LRRC27: variants seen among roughly 807,000 people sequenced by gnomAD.
LRRC27 encodes leucine rich repeat containing 27.
Under a neutral mutation model 55.0 loss-of-function variants are expected in LRRC27, and 57 were observed. The ratio of observed to expected loss-of-function variants is 1.04; its 90% CI spans 0.84 to 1.29. The LOEUF is 1.29. Ranked by LOEUF, LRRC27 falls within the 50% of genes most tolerant of loss-of-function variation. LRRC27 has a pLI of 0.00. For synonymous variants in LRRC27, 278 were observed against 251.9 expected, an observed-to-expected ratio of 1.10 and a Z score of -0.98; for missense variants, 721 against 651.5, an observed-to-expected ratio of 1.11 and a Z score of -1.16.
upstream of LRRC27, chr10:132,331,627 C>T (rs757898090): frequency 6.2e-7 from 1 of 1,612,896 alleles, no homozygotes; most frequent in Non-Finnish European, 8.5e-7. Context: ...GGACAGGCAG[C>T]GAGGACCGCT....
intron 3 of LRRC27, among the ~76,000 whole-genome samples, chr10:132,338,315 C>G (rs1271094997): frequency 6.6e-6 from 1 of 151,682 alleles, no homozygotes; most frequent in Non-Finnish European, 1.5e-5. Flanking sequence ...GAGTCCGTCT[C>G]AAAAAAAATA....
At position 132,379,570 on chromosome 10, in the gene LRRC27, T is replaced by A. The variant is rs532803775; in HGVS notation, c.*4328T>A. 6.6e-6 allele frequency: 1 copy of A among 152,374 alleles called. No individual in the cohort carries two copies. Among genetic ancestry groups the A allele is most frequent in the African/African-American group, 2.4e-5 (1 of 41,590 alleles). The allele number at this position is 152,374 out of a possible 1,614,324, so 9.4% of individuals were successfully genotyped here. A position where few individuals can be genotyped will look rare whatever the true frequency, so the allele number is the denominator to read the frequency against. ...AGATCCTTTTACATCATCATTATAATGATTTTTTTTTAATAAGTGTTTTCT... is the reference window on the plus strand; with the variant it reads ...AGATCCTTTTACATCATCATTATAAAGATTTTTTTTTAATAAGTGTTTTCT... On this transcript the variant is annotated 3_prime_UTR_variant, in exon 11 of 11. Transcript: ENST00000368614.
intron 9 of LRRC27, among the ~76,000 whole-genome samples, chr10:132,364,481 CCACA>C (rs1491390249): frequency 0.015 from 125 of 8,476 alleles, 2 homozygotes; most frequent in Middle Eastern, 0.1. Flanking sequence ...TTACACCCAC[CCACA>C]CTTACACCCA....
Position 132,375,829 on chromosome 10 carries a change from C to T in LRRC27, c.*587C>T, listed in dbSNP as rs1340642668. On this transcript the variant is annotated 3_prime_UTR_variant, in exon 11 of 11. Transcript: ENST00000368614. ...GCCTTGACCCCTTCCTGGTTGCTAC[C>T]ACTCAGGCTGCCACTCAGTGGACTC... is the stretch of plus-strand genomic sequence containing the variant. 1 of 152,492 alleles carries T rather than the reference C, an allele frequency of 6.6e-6. No individual in the cohort carries two copies. Among genetic ancestry groups the T allele is most frequent in the African/African-American group, 2.4e-5 (1 of 41,472 alleles). The allele number at this position is 152,492 out of a possible 1,614,324, so 9.4% of individuals were successfully genotyped here.
chr10:132,357,963 A>G (rs2068382141), intron 8 of LRRC27, among the ~76,000 whole-genome samples: 1 of 152,184 alleles, frequency 6.6e-6, no homozygotes, highest in Non-Finnish European at 1.5e-5. Flanking sequence ...GAGGCAGCTG[A>G]ACGCATGGAG....
chr10:132,352,753 G>T (rs1339350232), intron 7 of LRRC27: 3 of 976,852 alleles, frequency 3.1e-6, no homozygotes, highest in Non-Finnish European at 3.1e-6. Flanking sequence ...TTGCAGCCCC[G>T]AGGCCTCCCT....
At chr10:132,337,838 G>A in intron 3 of LRRC27, 143 bp downstream of exon 3, 1 of 944,152 alleles carries the variant, frequency 1.1e-6, no homozygotes, top group South Asian at 1.7e-5. Flanking sequence ...CCAGCTAAGA[G>A]GTTGCGACGG....
At chr10:132,335,853 C>A (rs796986044) in intron 2 of LRRC27, among the ~76,000 whole-genome samples, 4 of 152,158 alleles carry the variant, frequency 2.6e-5, no homozygotes, top group Non-Finnish European at 5.9e-5. Flanking sequence ...CTGATAAGAA[C>A]GGACAAAACG....
chr10:132,364,746 ACG>A (rs2068945313), intron 9 of LRRC27, among the ~76,000 whole-genome samples: 3 of 4,986 alleles, frequency 6.0e-4, no homozygotes, highest in African/African-American at 8.7e-4. Flanking sequence ...ATCTACCTCC[ACG>A]CCCACACTTA....
At chr10:132,364,813 C>G (rs2068964019) in intron 9 of LRRC27, among the ~76,000 whole-genome samples, 1 of 121,902 alleles carries the variant, frequency 8.2e-6, no homozygotes, top group Non-Finnish European at 1.8e-5. Flanking sequence ...CACACTTACA[C>G]CCACCCTTAC....
chr10:132,365,227 G>A lies in LRRC27; in HGVS notation c.1290-197G>A, dbSNP rs563430481. The stretch of plus-strand genomic sequence containing the variant: ...ATGGGAGAGGCAGCCCAGGCCCCCC[G>A]GCGTGAGTCTGGAGGAGAGTGGGTG... On this transcript the variant is annotated intron_variant, in intron 9 of 10. Coordinates refer to ENST00000368614, the MANE Select transcript of LRRC27 (RefSeq NM_030626.3). 1.7e-4 allele frequency among the ~76,000 whole-genome samples: 26 copies of A among 152,324 alleles called. No individual in the cohort carries two copies. The South Asian group carries it at 2.5e-3, about 15-fold the overall frequency.
At position 132,337,715 on chromosome 10, in the gene LRRC27, A is replaced by C. The variant is rs1210724201; in HGVS notation, c.341+20A>C. The C allele has an allele frequency of 6.2e-7, 1 of 1,611,022 alleles. No homozygotes were observed. ...TCACCAGTAAGTTGTTTATGTTTCC[A>C]GATTTTAAAAATCATCTTTTCAGTG... On this transcript the variant is annotated intron_variant, in intron 3 of 10. Coordinates refer to ENST00000368614, the MANE Select transcript of LRRC27 (RefSeq NM_030626.3).
chr10:132,333,887 C>T (rs1040387175), intron 2 of LRRC27, among the ~76,000 whole-genome samples, 153 bp downstream of exon 2: 19 of 152,136 alleles, frequency 1.2e-4, no homozygotes, highest in African/African-American at 4.3e-4. Flanking sequence ...TAGTTTCATA[C>T]GCCAATCACA....
chr10:132,355,907 G>A, intron 8 of LRRC27, 21 bp downstream of exon 8: 4 of 1,527,302 alleles, frequency 2.6e-6, no homozygotes, highest in Non-Finnish European at 3.5e-6. Context: ...CGCGGGCGGT[G>A]ACCGGGCACT....
chr10:132,365,744 G>A (rs2069049246), intron 10 of LRRC27, among the ~76,000 whole-genome samples, 194 bp downstream of exon 10: 1 of 152,132 alleles, frequency 6.6e-6, no homozygotes, highest in African/African-American at 2.4e-5. Flanking sequence ...TGGGACAAGT[G>A]TACACCACCA....
At chr10:132,354,060 G>A (rs928456984) in intron 7 of LRRC27, among the ~76,000 whole-genome samples, 2 of 152,200 alleles carry the variant, frequency 1.3e-5, no homozygotes, top group Admixed American at 6.5e-5. Context: ...CTTGGCCATG[G>A]CTGTGATGGA....
chr10:132,379,416 C>T lies in LRRC27; in HGVS notation c.*4174C>T, dbSNP rs1351287480. ...TCCAGCATTTCCTCTCACCTCCGAG[C>T]TCTCGGGGAGTGCGTGGTCTCAGAT... On this transcript the variant is annotated 3_prime_UTR_variant, in exon 11 of 11. Coordinates refer to ENST00000368614, the MANE Select transcript of LRRC27 (RefSeq NM_030626.3). 5.1e-4 allele frequency: 51 copies of T among 99,112 alleles called. No homozygotes were observed. Among genetic ancestry groups the T allele is most frequent in the Middle Eastern group, 7.7e-3 (1 of 130 alleles). 6.1% of individuals were successfully genotyped at this position (99,112 alleles called of 1,614,324 possible). A position where few individuals can be genotyped will look rare whatever the true frequency, so the allele number is the denominator to read the frequency against.
chr10:132,344,401 A>G (rs997586416), intron 4 of LRRC27, 97 bp from the exon 5 acceptor site: 7 of 1,278,972 alleles, frequency 5.5e-6, no homozygotes, highest in East Asian at 2.4e-5. Context: ...GAATAGAATC[A>G]TATTTTAAAA....
rs2069303094 is a variant in LRRC27 at position 132,374,651 on chromosome 10, G to A, written c.1417-415G>A. On this transcript the variant is annotated intron_variant, in intron 10 of 10. Coordinates refer to ENST00000368614, the MANE Select transcript of LRRC27 (RefSeq NM_030626.3). The surrounding 1 kb of genome is among the most constrained non-coding windows in gnomAD (Gnocchi z 4.4). ...CTTCCCAGGACAGTTACGGCTCTAA[G>A]GTGTGGTCTTGGCTGTGGTGATGCT... 6.6e-6 allele frequency among the ~76,000 whole-genome samples: 1 copy of A among 152,212 alleles called. No individual in the cohort carries two copies. The highest frequency in any genetic ancestry group is 6.5e-5 in the Admixed American group (1 of 15,288).
Sources: gnomAD v4.1 joint callset for allele counts (sites outside exome capture counted in the v4.1 genomes callset) on GRCh38, gnomAD v4.1.1 for gene constraint, Gnocchi (gnomAD v3.1) non-coding constraint, MANE v1.5 for transcripts, NCBI Gene and HGNC (gene_info 2026-07-23, HGNC 2026-07-21) for gene names.